The following BAG4 variants were observed in gnomAD, a reference collection of about 807,000 sequenced individuals.
The protein encoded by BAG4 is BAG family molecular chaperone regulator 4.
A neutral mutation model predicts 52.1 loss-of-function variants in BAG4; 28 were observed. The observed-to-expected ratio is 0.54, with a 90% CI of 0.40 to 0.74. The LOEUF is 0.74. Ranked by LOEUF, BAG4 falls within the 30% of genes least tolerant of loss-of-function variation. The pLI is 0.00. For missense variants in BAG4, 525 were observed against 572.0 expected, an observed-to-expected ratio of 0.92 and a Z score of 0.84; for synonymous variants, 208 against 217.0, an observed-to-expected ratio of 0.96 and a Z score of 0.37.
intron 1 of BAG4, among the ~76,000 whole-genome samples, chr8:38,191,772 A>C (rs1311120064): frequency 2.6e-5 from 4 of 151,958 alleles, no homozygotes; most frequent in Non-Finnish European, 4.4e-5. Context: ...AAAAAAAAAA[A>C]AAAAAAAAAA....
intron 1 of BAG4, among the ~76,000 whole-genome samples, chr8:38,178,159 GTT>G (rs1264036123): frequency 2.2e-5 from 3 of 138,178 alleles, no homozygotes; most frequent in Admixed American, 7.3e-5. Context: ...CGTTTTTTTT[GTT>G]TTTTTTTTTT....
chr8:38,189,710 AG>A (rs1239900914), intron 1 of BAG4, among the ~76,000 whole-genome samples: 2 of 152,216 alleles, frequency 1.3e-5, no homozygotes, highest in Non-Finnish European at 2.9e-5. Context: ...GGAACACAAG[AG>A]GGTTGCTAGA....
Position 38,209,219 on chromosome 8 carries a change from C to G in BAG4, c.840C>G (p.Ser280Arg). 2 of 1,614,216 alleles carry G rather than the reference C, an allele frequency of 1.2e-6. No individual in the cohort carries two copies. Among genetic ancestry groups the G allele is most frequent in the South Asian group, 2.2e-5 (2 of 91,084 alleles). Residue 280 changes from serine (S) to arginine (R), a missense_variant, in exon 4 of 5, where the codon AGC becomes AGG. Transcript: ENST00000287322. ...YMTESTSPWP[S>R]SGSPQSPPSP... ...CTGAAAGTACTTCACCATGGCCTAG[C>G]AGTGGCTCTCCCCAGTCACCCCCTT...
chr8:38,185,681 C>T (rs766089811), intron 1 of BAG4, among the ~76,000 whole-genome samples: 8 of 152,174 alleles, frequency 5.3e-5, no homozygotes, highest in Non-Finnish European at 8.8e-5. Flanking sequence ...TCTCTTGCCT[C>T]AGCCTCCTGA....
chr8:38,189,813 T>TTTGTTGTTGTTGTTGTTGTTGTTG (rs145500897), intron 1 of BAG4, among the ~76,000 whole-genome samples: 187 of 151,910 alleles, frequency 1.2e-3, no homozygotes, highest in African/African-American at 4.2e-3. Flanking sequence ...TAAATTACGT[T>TTTGTTGTTGTTGTTGTTGTTGTTG]TTGTTGTTGT....
chr8:38,182,009 G>A (rs1803283440), intron 1 of BAG4, among the ~76,000 whole-genome samples: 3 of 151,560 alleles, frequency 2.0e-5, no homozygotes, highest in South Asian at 2.1e-4. Context: ...GGCATTGACA[G>A]CTATTGGTCT....
chr8:38,198,245 G>A (rs946835706), intron 2 of BAG4, among the ~76,000 whole-genome samples: 8 of 150,860 alleles, frequency 5.3e-5, no homozygotes, highest in Non-Finnish European at 1.0e-4. Context: ...TTAGCCGGGC[G>A]AGGTGGCAGT....
At chr8:38,199,409 T>C (rs966418066) in intron 2 of BAG4, among the ~76,000 whole-genome samples, 1 of 152,256 alleles carries the variant, frequency 6.6e-6, no homozygotes, top group Non-Finnish European at 1.5e-5. Context: ...ACACAAAAGC[T>C]TTTAATTTTG....
chr8:38,208,941 A>G, intron 3 of BAG4, 72 bp from the exon 4 acceptor site: 1 of 1,504,488 alleles, frequency 6.6e-7, no homozygotes, highest in Admixed American at 1.9e-5. Flanking sequence ...GCATCTCAGA[A>G]TCTGCCTGTA....
At chr8:38,178,166 T>G (rs912356042) in intron 1 of BAG4, among the ~76,000 whole-genome samples, 3 of 151,718 alleles carry the variant, frequency 2.0e-5, no homozygotes, top group African/African-American at 7.3e-5. Context: ...TTTGTTTTTT[T>G]TTTTTTTGAG....
chr8:38,205,535 C>A (rs1803756712), intron 2 of BAG4, among the ~76,000 whole-genome samples: 2 of 152,070 alleles, frequency 1.3e-5, no homozygotes, highest in South Asian at 4.1e-4. Context: ...CTTAGGATTT[C>A]TAGAAGTTGA....
At chr8:38,205,417 A>G (rs1803754877) in intron 2 of BAG4, among the ~76,000 whole-genome samples, 1 of 152,080 alleles carries the variant, frequency 6.6e-6, no homozygotes, top group Non-Finnish European at 1.5e-5. Context: ...CTACTTAAAG[A>G]TTCCATTGTT....
chr8:38,200,094 T>C (rs7016434), intron 2 of BAG4, among the ~76,000 whole-genome samples: 36,521 of 151,278 alleles, frequency 0.24, 4,572 homozygotes, highest in East Asian at 0.31. Context: ...AAACCTCTGC[T>C]TCCCAGGTTC....
intron 2 of BAG4, among the ~76,000 whole-genome samples, chr8:38,203,573 G>A (rs1425673353): frequency 3.3e-5 from 5 of 152,062 alleles, no homozygotes; most frequent in East Asian, 3.9e-4. Flanking sequence ...GTGAGCCACC[G>A]TGCCTGGTTG....
intron 2 of BAG4, among the ~76,000 whole-genome samples, chr8:38,198,757 G>A (rs982418434): frequency 2.6e-5 from 4 of 152,116 alleles, no homozygotes; most frequent in Middle Eastern, 3.4e-3. Context: ...AAAGTGCTGG[G>A]ATTAAAGGCG....
intron 1 of BAG4, among the ~76,000 whole-genome samples, chr8:38,190,867 C>T (rs977327462): frequency 5.3e-5 from 8 of 151,518 alleles, no homozygotes; most frequent in South Asian, 4.2e-4. Context: ...AAGCTATTCT[C>T]GTGCCTCAGC....
intron 1 of BAG4, among the ~76,000 whole-genome samples, chr8:38,180,983 C>T (rs1803255329): frequency 6.6e-6 from 1 of 151,380 alleles, no homozygotes; most frequent in South Asian, 2.1e-4. Flanking sequence ...CTCTGTTACC[C>T]AGGCTGGAGT....
At chr8:38,188,505 A>G (rs1333854436) in intron 1 of BAG4, among the ~76,000 whole-genome samples, 2 of 151,832 alleles carry the variant, frequency 1.3e-5, no homozygotes, top group African/African-American at 4.8e-5. Context: ...AAAATATCAC[A>G]TGTATCCCAA....
intron 4 of BAG4, 94 bp from the exon 5 acceptor site, chr8:38,209,914 T>C: frequency 6.8e-7 from 1 of 1,481,348 alleles, no homozygotes; most frequent in Non-Finnish European, 9.1e-7. Flanking sequence ...TCATGTACCT[T>C]TCTGGTCAAG....
Sources: gnomAD v4.1 joint callset for allele counts (sites outside exome capture counted in the v4.1 genomes callset) on GRCh38, gnomAD v4.1.1 for gene constraint, MANE v1.5 for transcripts, NCBI Gene and HGNC (gene_info 2026-07-23, HGNC 2026-07-21) for gene names.